The following COBL variants were observed in gnomAD, a reference collection of about 807,000 sequenced individuals.
COBL encodes the protein cordon-bleu WH2 repeat protein, also known as protein cordon-bleu.
In COBL, 51 loss-of-function variants were observed where a neutral mutation model predicts 98.8. That is an observed-to-expected ratio of 0.52 (90% CI 0.41 to 0.65). The LOEUF (loss-of-function observed/expected upper bound fraction) is 0.65, where lower values mean the gene tolerates loss of function less well. Among genes scored for constraint, COBL ranks in the 30% least tolerant of loss-of-function variants. The pLI, the probability that COBL is intolerant of heterozygous loss-of-function variation, is 0.00. For missense variants in COBL, 1,617 were observed against 1,617.5 expected, an observed-to-expected ratio of 1.00 and a Z score of 0.01; for synonymous variants, 634 against 651.7, an observed-to-expected ratio of 0.97 and a Z score of 0.41.
At chr7:51,263,347 T>C (rs1189097016) in intron 1 of COBL, among the ~76,000 whole-genome samples, 16 of 152,064 alleles carry the variant, frequency 1.1e-4, no homozygotes, top group African/African-American at 2.4e-5. Context: ...AGGGAGCAAA[T>C]GGATTGTTTT....
In COBL at chr7:51,027,774, A is replaced by G; in HGVS notation, c.3322T>C (p.Ser1108Pro). Reference sequence around the variant, plus strand: ...GCTTCCATCAGGGCAGAGTGCAGGGATGTGTCTTTTGGGACTGGTCTCTGG... The same window carrying G: ...GCTTCCATCAGGGCAGAGTGCAGGGGTGTGTCTTTTGGGACTGGTCTCTGG... ...VVQRPVPKDT[S>P]LHSALMEAIH... is the part of the protein sequence containing the mutation. The change falls in exon 10 of 13, where the codon TCC (serine) becomes CCC (proline). Residue 1108 changes from serine (S) to proline (P), a missense_variant. By Grantham distance (74) the Ser-to-Pro change is moderately conservative. This residue lies in a region of COBL where 1,304 missense variants were observed against 1,282.0 expected (regional missense o/e 1.02). Transcript: ENST00000265136. 1 of 1,614,136 alleles carries G rather than the reference A, an allele frequency of 6.2e-7. No individual in the cohort carries two copies. Among genetic ancestry groups the G allele is most frequent in the Admixed American group, 1.7e-5 (1 of 60,026 alleles).
At chr7:51,039,351 C>T (rs1389851878) in intron 8 of COBL, among the ~76,000 whole-genome samples, 1 of 152,212 alleles carries the variant, frequency 6.6e-6, no homozygotes, top group African/African-American at 2.4e-5. Context: ...CACAAGTTCA[C>T]CTTGAGTCTG....
At chr7:51,243,667 G>C (rs1255206883) in intron 1 of COBL, among the ~76,000 whole-genome samples, 1 of 152,160 alleles carries the variant, frequency 6.6e-6, no homozygotes. Context: ...CGTACAGTAT[G>C]ATCCTACTGA....
intron 1 of COBL, among the ~76,000 whole-genome samples, chr7:51,234,702 GAA>G (rs71021761): frequency 0.013 from 1,538 of 114,004 alleles, 19 homozygotes; most frequent in African/African-American, 0.045. Context: ...CCCTGTTTCA[GAA>G]AAAAAAAAAA....
chr7:51,190,758 C>T, intron 4 of COBL, 92 bp downstream of exon 4: 1 of 998,494 alleles, frequency 1.0e-6, no homozygotes, highest in Non-Finnish European at 1.5e-6. Flanking sequence ...CCTGGCGCTA[C>T]TGAGAGTGCT....
Position 51,190,844 on chromosome 7 carries a change from C to T in COBL, c.685+6G>A. 1 of 1,610,494 alleles carries T rather than the reference C, an allele frequency of 6.2e-7. No individual in the cohort carries two copies. ...GGCAGGTGCGTGAGACGCAGCGGGG[C>T]CTCACCTCTTCTGTTGTCCCACGCG... On this transcript the variant is annotated splice_donor_region_variant and intron_variant, in intron 4 of 12. Transcript: ENST00000265136.
At chr7:51,055,877 C>T (rs1217706947) in intron 7 of COBL, among the ~76,000 whole-genome samples, 1 of 152,232 alleles carries the variant, frequency 6.6e-6, no homozygotes, top group Non-Finnish European at 1.5e-5. Flanking sequence ...ACAACAGGCG[C>T]TGGAGTTAAC....
At chr7:51,102,724 T>C (rs1055759813) in intron 6 of COBL, among the ~76,000 whole-genome samples, 1 of 152,230 alleles carries the variant, frequency 6.6e-6, no homozygotes, top group Non-Finnish European at 1.5e-5. Context: ...CTTGCATCCA[T>C]TTACATATTC....
intron 9 of COBL, among the ~76,000 whole-genome samples, 183 bp downstream of exon 9, chr7:51,030,629 T>C (rs1788041298): frequency 6.6e-6 from 1 of 152,206 alleles, no homozygotes; most frequent in Admixed American, 6.5e-5. Context: ...GCAGCCCAGA[T>C]AAAAAGCAGT....
Position 51,181,477 on chromosome 7 carries a change from C to T in COBL, c.783+2625G>A, listed in dbSNP as rs1057360917. Among the ~76,000 whole-genome samples, 6 of 152,214 alleles carry T rather than the reference C, an allele frequency of 3.9e-5. No homozygotes were observed. The East Asian group carries it at 1.2e-3, about 29-fold the overall frequency. ...AGTTCAGGAGTGTACAGTCAATCACCAATCAGCGTTATTTCTGTAAACTAG... is the reference window on the plus strand; with the variant it reads ...AGTTCAGGAGTGTACAGTCAATCACTAATCAGCGTTATTTCTGTAAACTAG... On this transcript the variant is annotated intron_variant, in intron 5 of 12. Coordinates refer to ENST00000265136, the MANE Select transcript of COBL (RefSeq NM_015198.5).
intron 1 of COBL, among the ~76,000 whole-genome samples, chr7:51,295,370 CATTCTGCACATGTATCCCAGAA>C (rs1801330991): frequency 6.6e-6 from 1 of 151,152 alleles, no homozygotes; most frequent in Non-Finnish European, 1.5e-5. Context: ...AAAACCTGCA[CATTCTGCACATGTATCCCAGAA>C]ATTAGGGCAA....
chr7:51,227,225 C>T (rs902346543), intron 1 of COBL, among the ~76,000 whole-genome samples: 12 of 152,218 alleles, frequency 7.9e-5, no homozygotes, highest in African/African-American at 2.9e-4. Flanking sequence ...TCTGGACAAG[C>T]CTTATTTGCA....
At position 51,295,400 on chromosome 7, in the gene COBL, CA is replaced by C. The variant is rs550223259; in HGVS notation, c.41+21192del. Among the ~76,000 whole-genome samples the C allele has an allele frequency of 1.9e-4, 29 of 151,500 alleles. No individual in the cohort carries two copies. In the Middle Eastern group the frequency reaches 0.01, roughly 54 times the overall value. ...TGCACATGTATCCCAGAAATTAGGG[CA>C]AAAAAATAACGATTAAAAATACATA... On this transcript the variant is annotated intron_variant, in intron 1 of 12. Coordinates refer to ENST00000265136, the MANE Select transcript of COBL (RefSeq NM_015198.5).
At chr7:51,069,787 C>T (rs750924964) in intron 7 of COBL, among the ~76,000 whole-genome samples, 18 of 152,198 alleles carry the variant, frequency 1.2e-4, no homozygotes, top group Admixed American at 2.0e-4. Flanking sequence ...TAAATCTTGT[C>T]CCTTATGGGC....
chr7:51,304,869 C>G (rs1311423978), intron 1 of COBL, among the ~76,000 whole-genome samples: 4 of 152,300 alleles, frequency 2.6e-5, no homozygotes, highest in Admixed American at 2.0e-4. Flanking sequence ...GGAGGCTAAA[C>G]AGTCCCTCGA....
At chr7:51,230,545 G>A (rs1173483559) in intron 1 of COBL, among the ~76,000 whole-genome samples, 2 of 152,062 alleles carry the variant, frequency 1.3e-5, no homozygotes, top group Admixed American at 6.5e-5. Context: ...ACTGCTGCTC[G>A]GGGCATTGTC....
chr7:51,133,866 T>C (rs1205683600), intron 6 of COBL, among the ~76,000 whole-genome samples: 1 of 152,184 alleles, frequency 6.6e-6, no homozygotes, highest in African/African-American at 2.4e-5. Flanking sequence ...TTTAGAAAAT[T>C]TTCAGATGAA....
chr7:51,276,830 G>A (rs907436184), intron 1 of COBL, among the ~76,000 whole-genome samples: 1 of 152,240 alleles, frequency 6.6e-6, no homozygotes, highest in Admixed American at 6.5e-5. Context: ...TGGCCCTTAA[G>A]GGTGCCTGGG....
At chr7:51,289,081 CT>C (rs1180184548) in intron 1 of COBL, among the ~76,000 whole-genome samples, 1 of 152,174 alleles carries the variant, frequency 6.6e-6, no homozygotes, top group Non-Finnish European at 1.5e-5. Context: ...GCAGCATCTC[CT>C]CCCAGCATGC....
Sources: gnomAD v4.1 joint callset for allele counts (sites outside exome capture counted in the v4.1 genomes callset) on GRCh38, gnomAD v4.1.1 for gene constraint, gnomAD v4.1.1 regional missense constraint, MANE v1.5 for transcripts, NCBI Gene and HGNC (gene_info 2026-07-23, HGNC 2026-07-21) for gene names.